The following RIC1 variants were observed in gnomAD, a reference collection of about 807,000 sequenced individuals.
The protein encoded by RIC1 is guanine nucleotide exchange factor subunit RIC1.
In RIC1, 88 loss-of-function variants were observed where a neutral mutation model predicts 169.0. The observed-to-expected ratio is 0.52, with a 90% CI of 0.44 to 0.62. RIC1 has a LOEUF of 0.62. Ranked by LOEUF, RIC1 falls within the 20% of genes least tolerant of loss-of-function variation. The pLI is 0.00. For synonymous variants in RIC1, 790 were observed against 601.5 expected (o/e 1.31, Z -4.59); for missense variants, 1,877 against 1,725.5 (o/e 1.09, Z -1.56).
chr9:5,747,157 TC>T, intron 11 of RIC1, 144 bp from the exon 12 acceptor site: 1 of 639,074 alleles, frequency 1.6e-6, no homozygotes, highest in Non-Finnish European at 2.8e-6. Flanking sequence ...GTAGTCTTTG[TC>T]CTCTGTGAAG....
chr9:5,767,480 T>TC (rs1034796510), intron 21 of RIC1, among the ~76,000 whole-genome samples: 3 of 62 alleles, frequency 0.048, no homozygotes, highest in Non-Finnish European at 0.079. Context: ...TCATATTCTC[T>TC]TTTTTTTTTT....
At chr9:5,647,794 G>T (rs1459167239) in intron 1 of RIC1, among the ~76,000 whole-genome samples, 2 of 152,168 alleles carry the variant, frequency 1.3e-5, no homozygotes, top group Admixed American at 1.3e-4. Flanking sequence ...AATGGAAGTG[G>T]TAAGAATGGG....
At chr9:5,644,417 A>T (rs1818401593) in intron 1 of RIC1, among the ~76,000 whole-genome samples, 1 of 152,236 alleles carries the variant, frequency 6.6e-6, no homozygotes, top group South Asian at 2.1e-4. Context: ...ACTAAGGGAT[A>T]CAAGTGCAGT....
chr9:5,728,636 A>G (rs1563931534), intron 6 of RIC1, among the ~76,000 whole-genome samples: 5 of 152,202 alleles, frequency 3.3e-5, no homozygotes, highest in African/African-American at 2.4e-5. Context: ...TGGGAGCTGT[A>G]CACTGGAGCT....
Position 5,629,288 on chromosome 9 carries a change from C to T in RIC1, c.-22C>T, listed in dbSNP as rs1333287263. ...TGAGTGTGACGGACGCAACTGGGGG[C>T]GCCGGGGGCTCCGCACGGACCATGT... On this transcript the variant is annotated 5_prime_UTR_variant, in exon 1 of 26. Coordinates refer to ENST00000414202, the MANE Select transcript of RIC1 (RefSeq NM_020829.4). The T allele has an allele frequency of 1.4e-6, 2 of 1,469,096 alleles. No individual in the cohort carries two copies. The highest frequency in any genetic ancestry group is 1.8e-6 in the Non-Finnish European group (2 of 1,111,190). The allele number at this position is 1,469,096 out of a possible 1,614,324, so 91.0% of individuals were successfully genotyped here.
At chr9:5,647,083 T>C (rs1818554810) in intron 1 of RIC1, among the ~76,000 whole-genome samples, 1 of 152,186 alleles carries the variant, frequency 6.6e-6, no homozygotes, top group Non-Finnish European at 1.5e-5. Context: ...TTTTCCCCTT[T>C]GAATGGTCTA....
At chr9:5,651,491 A>C (rs935508747) in intron 1 of RIC1, among the ~76,000 whole-genome samples, 3 of 150,378 alleles carry the variant, frequency 2.0e-5, no homozygotes, top group African/African-American at 7.3e-5. Context: ...CAATATAATG[A>C]ATCATTTCCT....
intron 17 of RIC1, among the ~76,000 whole-genome samples, chr9:5,759,920 T>C (rs1311290773): frequency 1.3e-5 from 2 of 152,262 alleles, no homozygotes; most frequent in African/African-American, 2.4e-5. Flanking sequence ...AAAGGACTCT[T>C]ATATATCCCA....
chr9:5,770,073 G>T lies in RIC1; in HGVS notation c.3425-14G>T. ...TTTCTTCCTCCATTTTTTGTTTTCGGACCCACTCTGCAGTGGGAGAGCAGC... is the reference window on the plus strand; with the variant it reads ...TTTCTTCCTCCATTTTTTGTTTTCGTACCCACTCTGCAGTGGGAGAGCAGC... On this transcript the variant is annotated splice_polypyrimidine_tract_variant and intron_variant, in intron 22 of 25. Transcript: ENST00000414202. 6 of 1,583,458 alleles carry T rather than the reference G, an allele frequency of 3.8e-6. No individual in the cohort carries two copies. Among genetic ancestry groups the T allele is most frequent in the South Asian group, 3.4e-5 (3 of 86,990 alleles).
chr9:5,721,215 A>G (rs772559689), intron 6 of RIC1, among the ~76,000 whole-genome samples: 7 of 152,156 alleles, frequency 4.6e-5, no homozygotes, highest in Admixed American at 6.5e-5. Context: ...ATTTTTATCA[A>G]TATGTAAGCC....
intron 10 of RIC1, among the ~76,000 whole-genome samples, 195 bp from the exon 11 acceptor site, chr9:5,745,736 G>T (rs983210104): frequency 1.2e-4 from 18 of 152,182 alleles, no homozygotes; most frequent in Admixed American, 2.0e-4. Context: ...AGCAGTGATG[G>T]TGATTTCCTC....
intron 17 of RIC1, among the ~76,000 whole-genome samples, chr9:5,759,631 AAGT>A (rs1379903290): frequency 1.3e-5 from 2 of 152,206 alleles, no homozygotes; most frequent in Non-Finnish European, 2.9e-5. Flanking sequence ...TGGAGAGAGA[AAGT>A]AGGGAATAAT....
At chr9:5,744,188 G>A (rs911527039) in intron 10 of RIC1, among the ~76,000 whole-genome samples, 2 of 151,898 alleles carry the variant, frequency 1.3e-5, no homozygotes, top group African/African-American at 4.8e-5. Context: ...GCAAACCCCT[G>A]TCATCTTTAT....
At chr9:5,646,442 C>T (rs1818517214) in intron 1 of RIC1, among the ~76,000 whole-genome samples, 1 of 152,028 alleles carries the variant, frequency 6.6e-6, no homozygotes, top group Admixed American at 6.6e-5. Context: ...ATTCTTCTTG[C>T]CTAGTGACAA....
At chr9:5,749,114 A>G (rs1432962124) in intron 12 of RIC1, among the ~76,000 whole-genome samples, 1 of 152,206 alleles carries the variant, frequency 6.6e-6, no homozygotes, top group Non-Finnish European at 1.5e-5. Context: ...GAGAAGTTAT[A>G]TGACTTGTCC....
At chr9:5,684,271 T>C (rs1586943227) in intron 2 of RIC1, among the ~76,000 whole-genome samples, 3 of 9,328 alleles carry the variant, frequency 3.2e-4, no homozygotes, top group Non-Finnish European at 4.8e-4. Context: ...CCATCTTGGC[T>C]CCACCCCCCC....
intron 3 of RIC1, among the ~76,000 whole-genome samples, chr9:5,692,177 C>G (rs536364984): frequency 6.6e-6 from 1 of 152,060 alleles, no homozygotes; most frequent in South Asian, 2.1e-4. Context: ...TAGAGCAGTT[C>G]GAATAATAGT....
intron 19 of RIC1, 114 bp from the exon 20 acceptor site, chr9:5,765,300 C>A (rs950330859): frequency 3.7e-6 from 4 of 1,089,488 alleles, no homozygotes; most frequent in Non-Finnish European, 2.7e-6. Context: ...ATTAAACTAA[C>A]CCCTGTGGTG....
At chr9:5,675,228 A>G (rs1820370012) in intron 2 of RIC1, among the ~76,000 whole-genome samples, 1 of 152,126 alleles carries the variant, frequency 6.6e-6, no homozygotes, top group Non-Finnish European at 1.5e-5. Context: ...GGCGGGAAAA[A>G]TGGTTATGGC....
Sources: gnomAD v4.1 joint callset for allele counts (sites outside exome capture counted in the v4.1 genomes callset) on GRCh38, gnomAD v4.1.1 for gene constraint, MANE v1.5 for transcripts, NCBI Gene and HGNC (gene_info 2026-07-23, HGNC 2026-07-21) for gene names.